ABCC4: variants seen among roughly 807,000 people sequenced by gnomAD.
The protein encoded by ABCC4 is ATP-binding cassette sub-family C member 4.
ABCC4 carries 102 observed loss-of-function variants against 168.5 expected under a neutral mutation model. The observed-to-expected ratio is 0.61, with a 90% CI of 0.52 to 0.71. The LOEUF (loss-of-function observed/expected upper bound fraction) is 0.71. Ranked by LOEUF, ABCC4 falls within the 30% of genes least tolerant of loss-of-function variation. ABCC4 has a pLI of 0.00. For missense variants in ABCC4, 1,402 were observed against 1,605.8 expected (o/e 0.87, Z 2.17); for synonymous variants, 617 against 590.7 (o/e 1.04, Z -0.65).
intron 26 of ABCC4, among the ~76,000 whole-genome samples, chr13:95,057,419 T>C (rs1284597140): frequency 6.6e-6 from 1 of 152,174 alleles, no homozygotes; most frequent in Non-Finnish European, 1.5e-5. Context: ...TTTGTATTTT[T>C]AGTAGAGACG....
chr13:95,076,190 C>T (rs1362766020), intron 21 of ABCC4, among the ~76,000 whole-genome samples: 1 of 152,142 alleles, frequency 6.6e-6, no homozygotes, highest in Admixed American at 6.5e-5. Context: ...GCTGCAATGC[C>T]CTTGTGCCGT....
intron 27 of ABCC4, among the ~76,000 whole-genome samples, 185 bp from the exon 28 acceptor site, chr13:95,044,623 G>A (rs962167749): frequency 2.6e-5 from 4 of 152,088 alleles, no homozygotes; most frequent in Non-Finnish European, 4.4e-5. Flanking sequence ...AACACAAAAC[G>A]GAAATATTCT....
chr13:95,274,725 T>C (rs1397212332), intron 1 of ABCC4, among the ~76,000 whole-genome samples: 1 of 152,134 alleles, frequency 6.6e-6, no homozygotes, highest in African/African-American at 2.4e-5. Context: ...ACCTTGGCCT[T>C]CCTGAGCACC....
chr13:95,066,478 C>A (rs1346609112), intron 25 of ABCC4, among the ~76,000 whole-genome samples: 2 of 151,584 alleles, frequency 1.3e-5, no homozygotes, highest in Non-Finnish European at 2.9e-5. Flanking sequence ...TGGTGTCCTG[C>A]AAAAAAAACC....
At chr13:95,278,817 A>AC (rs1371476976) in intron 1 of ABCC4, among the ~76,000 whole-genome samples, 6 of 149,966 alleles carry the variant, frequency 4.0e-5, no homozygotes, top group Admixed American at 4.0e-4. Flanking sequence ...AAAAAAAAAA[A>AC]AAAAAAAAAA....
At chr13:95,124,439 C>T (rs1358629042) in intron 19 of ABCC4, among the ~76,000 whole-genome samples, 1 of 151,846 alleles carries the variant, frequency 6.6e-6, no homozygotes, top group Non-Finnish European at 1.5e-5. Flanking sequence ...AGCCTGCAAT[C>T]CCAGCACTTG....
rs976168495 is a variant in ABCC4, at chr13:95,035,600, T to C, written c.3736-861A>G. ...ATCACCTTTCTTTGCTTCTTTCTCT[T>C]TCTTGAGCTGCTTGCCTTTTAGCTG... On this transcript the variant is annotated intron_variant, in intron 29 of 30. Coordinates refer to ENST00000645237, the MANE Select transcript of ABCC4 (RefSeq NM_005845.5). Among the ~76,000 whole-genome samples, 3 of 152,204 alleles carry C rather than the reference T, an allele frequency of 2.0e-5. No homozygotes were observed. In the East Asian group the frequency reaches 5.8e-4, roughly 29 times the overall value.
intron 1 of ABCC4, among the ~76,000 whole-genome samples, 182 bp from the exon 2 acceptor site, chr13:95,247,935 C>CACACACACACACACACAT: frequency 6.6e-6 from 1 of 151,878 alleles, no homozygotes; most frequent in Non-Finnish European, 1.5e-5. Context: ...CACACACACA[C>CACACACACACACACACAT]ACACAGTCCC....
At chr13:95,169,402 T>C (rs937726800) in intron 14 of ABCC4, among the ~76,000 whole-genome samples, 16 of 152,316 alleles carry the variant, frequency 1.1e-4, no homozygotes, top group Admixed American at 2.0e-4. Flanking sequence ...TCCACTGCTC[T>C]GGACTGTCCA....
Position 95,132,722 on chromosome 13 carries a change from A to C in ABCC4, c.2456-16721T>G, listed in dbSNP as rs149823786. 2.3e-3 allele frequency among the ~76,000 whole-genome samples: 352 copies of C among 152,270 alleles called. 2 individuals carry two copies. The highest frequency in any genetic ancestry group is 7.8e-3 in the African/African-American group (325 of 41,560). On this transcript the variant is annotated intron_variant, in intron 19 of 30. Coordinates refer to ENST00000645237, the MANE Select transcript of ABCC4 (RefSeq NM_005845.5). Reference sequence around the variant, plus strand: ...GCTGACTGTATATACACACCATGCAATATTATTCAGCTTTAAGATGGAAGG... The same window carrying C: ...GCTGACTGTATATACACACCATGCACTATTATTCAGCTTTAAGATGGAAGG...
intron 4 of ABCC4, among the ~76,000 whole-genome samples, chr13:95,211,617 G>T (rs2038959267): frequency 6.6e-6 from 1 of 152,090 alleles, no homozygotes; most frequent in South Asian, 2.1e-4. Context: ...TGGAAATGGG[G>T]CTGAAGCAGG....
rs1491583124 is a variant in ABCC4, at chr13:95,029,168, A to ATATATC, written c.3870+5436_3870+5437insGATATA. Among the ~76,000 whole-genome samples, 6 of 7,380 alleles carry ATATATC rather than the reference A, an allele frequency of 8.1e-4. 1 individual carries two copies. Among genetic ancestry groups the ATATATC allele is most frequent in the African/African-American group, 2.4e-3 (6 of 2,480 alleles). The allele number at this position is 7,380 out of a possible 152,430, so 4.8% of individuals were successfully genotyped here. A position where few individuals can be genotyped will look rare whatever the true frequency, so the allele number is the denominator to read the frequency against. On this transcript the variant is annotated intron_variant, in intron 30 of 30. Transcript: ENST00000645237. ...AGTGAAACTGCTTTAAAAAAAATAC[A>ATATATC]TATATATATATATATATATATATAT...
intron 4 of ABCC4, among the ~76,000 whole-genome samples, chr13:95,215,333 G>A (rs1422564540): frequency 4.6e-5 from 7 of 151,534 alleles, no homozygotes; most frequent in African/African-American, 4.9e-5. Flanking sequence ...CCCACGAGGC[G>A]GAGGTTGCAG....
At chr13:95,169,154 G>C (rs932457879) in intron 14 of ABCC4, among the ~76,000 whole-genome samples, 4 of 152,160 alleles carry the variant, frequency 2.6e-5, no homozygotes, top group African/African-American at 9.7e-5. Context: ...AGAGAGCGCG[G>C]CCCTGCGGAC....
intron 19 of ABCC4, among the ~76,000 whole-genome samples, chr13:95,154,278 T>C (rs1237088913): frequency 6.6e-6 from 1 of 152,174 alleles, no homozygotes; most frequent in Non-Finnish European, 1.5e-5. Flanking sequence ...CTAACTAATG[T>C]ACATATAAAT....
chr13:95,043,835 G>A, intron 28 of ABCC4, 48 bp from the exon 29 acceptor site: 1 of 1,313,402 alleles, frequency 7.6e-7, no homozygotes. Context: ...GCAAAAAGTA[G>A]ACTTAAGACT....
chr13:95,115,008 T>G (rs182228280), intron 20 of ABCC4, among the ~76,000 whole-genome samples: 63 of 152,260 alleles, frequency 4.1e-4, no homozygotes, highest in Admixed American at 1.1e-3. Flanking sequence ...CATAAAGTGT[T>G]AGCAACAGCA....
At chr13:95,217,327 G>A (rs1566537749) in intron 4 of ABCC4, among the ~76,000 whole-genome samples, 1 of 152,164 alleles carries the variant, frequency 6.6e-6, no homozygotes, top group African/African-American at 2.4e-5. Context: ...ACCTTTTCAT[G>A]GAACTGAGTT....
At chr13:95,162,743 C>T (rs746349121) in intron 18 of ABCC4, among the ~76,000 whole-genome samples, 23 of 152,172 alleles carry the variant, frequency 1.5e-4, no homozygotes, top group Non-Finnish European at 2.9e-4. Context: ...TTTATTTAGA[C>T]AGAATTGGAA....
Sources: gnomAD v4.1 joint callset for allele counts (sites outside exome capture counted in the v4.1 genomes callset) on GRCh38, gnomAD v4.1.1 for gene constraint, MANE v1.5 for transcripts, NCBI Gene and HGNC (gene_info 2026-07-23, HGNC 2026-07-21) for gene names.